The following KDM4C variants were observed in gnomAD, a reference collection of about 807,000 sequenced individuals.
The protein encoded by KDM4C is lysine-specific demethylase 4C.
KDM4C carries 81 observed loss-of-function variants against 129.3 expected under a neutral mutation model. That is an observed-to-expected ratio of 0.63 (90% confidence interval 0.52 to 0.75). KDM4C has a LOEUF of 0.75. KDM4C is among the 30% of genes least tolerant of loss of function. KDM4C has a pLI of 0.00. For synonymous variants in KDM4C, 573 were observed against 456.1 expected (o/e 1.26, Z -3.26); for missense variants, 1,457 against 1,304.0 (o/e 1.12, Z -1.81).
At chr9:7,146,863 G>T (rs1273807942) in intron 19 of KDM4C, among the ~76,000 whole-genome samples, 1 of 152,192 alleles carries the variant, frequency 6.6e-6, no homozygotes, top group African/African-American at 2.4e-5. Context: ...GTAGTTCTGT[G>T]TTCTGTTGTA....
At chr9:7,036,822 T>G (rs746631240) in intron 15 of KDM4C, among the ~76,000 whole-genome samples, 8 of 152,210 alleles carry the variant, frequency 5.3e-5, no homozygotes, top group Non-Finnish European at 1.0e-4. Context: ...TTCACTGTGT[T>G]GCTCAGGGTC....
intron 19 of KDM4C, among the ~76,000 whole-genome samples, chr9:7,160,400 G>A (rs1213654651): frequency 6.6e-6 from 1 of 152,210 alleles, no homozygotes; most frequent in Non-Finnish European, 1.5e-5. Flanking sequence ...ATCCTTTGGA[G>A]AAGAGGTGCT....
At chr9:7,047,012 G>A (rs765782425) in intron 16 of KDM4C, 95 bp downstream of exon 16, 19 of 884,628 alleles carry the variant, frequency 2.1e-5, no homozygotes, top group Admixed American at 1.7e-4. Context: ...CATTGTACAC[G>A]TGGTTTCAAA....
chr9:6,825,965 C>G (rs62568870), intron 4 of KDM4C, among the ~76,000 whole-genome samples: 1 of 151,934 alleles, frequency 6.6e-6, no homozygotes, highest in African/African-American at 2.4e-5. Context: ...TGTGCGCCAC[C>G]ATGCCCAGCT....
intron 2 of KDM4C, among the ~76,000 whole-genome samples, chr9:6,796,411 T>G (rs1827772012): frequency 6.6e-6 from 1 of 152,160 alleles, no homozygotes; most frequent in Admixed American, 6.5e-5. Flanking sequence ...ATCTCTTCTC[T>G]TCTCTGGGCT....
intron 8 of KDM4C, among the ~76,000 whole-genome samples, chr9:6,962,811 A>G (rs1344390361): frequency 6.6e-6 from 1 of 152,186 alleles, no homozygotes; most frequent in African/African-American, 2.4e-5. Context: ...TTAAAATCTC[A>G]TGTAATTACT....
At chr9:6,964,681 C>G (rs1026785123) in intron 8 of KDM4C, among the ~76,000 whole-genome samples, 1 of 149,632 alleles carries the variant, frequency 6.7e-6, no homozygotes, top group Non-Finnish European at 1.5e-5. Flanking sequence ...ACTCGTGAGG[C>G]TGAGGCAGGA....
In KDM4C at chr9:6,986,586, G is replaced by A; in HGVS notation, c.1597G>A (p.Glu533Lys). The change falls in exon 11 of 22, where the codon GAG becomes AAG. Residue 533 changes from glutamate to lysine, a missense_variant. By Grantham distance (56) the Glu-to-Lys change is moderately conservative. Coordinates refer to ENST00000381309, the MANE Select transcript of KDM4C (RefSeq NM_015061.6). Reference protein sequence around the residue: ...VLTEGEESDVESHGNGLEPGE... With the variant: ...VLTEGEESDVKSHGNGLEPGE... ...AACAGAGGGAGAAGAGAGTGATGTGGAGAGCCATGGGAATGGCCTTGAACC... is the reference window on the plus strand; with the variant it reads ...AACAGAGGGAGAAGAGAGTGATGTGAAGAGCCATGGGAATGGCCTTGAACC... The A allele has an allele frequency of 1.9e-6, 3 of 1,614,132 alleles. No individual in the cohort carries two copies. The South Asian group carries it at 3.3e-5, about 18-fold the overall frequency.
intron 14 of KDM4C, 125 bp from the exon 15 acceptor site, chr9:7,015,728 A>G (rs1357855528): frequency 3.8e-5 from 23 of 604,286 alleles, no homozygotes; most frequent in East Asian, 2.2e-4. Flanking sequence ...GTTTTGTTCT[A>G]TACAGTGAGA....
chr9:7,061,856 G>A (rs764854722), intron 17 of KDM4C, among the ~76,000 whole-genome samples: 6 of 152,184 alleles, frequency 3.9e-5, no homozygotes, highest in Non-Finnish European at 7.3e-5. Flanking sequence ...CTAACCTCTT[G>A]TTCAGCGGCT....
At chr9:6,746,370 G>T (rs990426552) in intron 1 of KDM4C, among the ~76,000 whole-genome samples, 1 of 144,866 alleles carries the variant, frequency 6.9e-6, no homozygotes, top group African/African-American at 2.6e-5. Context: ...CCGGGTTCAC[G>T]CCATTCTCCT....
intron 8 of KDM4C, among the ~76,000 whole-genome samples, chr9:6,948,783 G>C (rs1298716833): frequency 1.3e-5 from 2 of 152,128 alleles, no homozygotes; most frequent in Non-Finnish European, 2.9e-5. Flanking sequence ...ACATGTTTCA[G>C]AGAGCACCGG....
rs1554712902 is a variant in KDM4C, at chr9:7,040,400, T to TGTGTGC, written c.2260-6456_2260-6451dup. ...GTGTGTGTGTGTGTGTGTGTGTGTG[T>TGTGTGC]GTGTGCGTGTGTATGTGTCTGTGTG... On this transcript the variant is annotated intron_variant, in intron 15 of 21. Transcript: ENST00000381309. Among the ~76,000 whole-genome samples the TGTGTGC allele has an allele frequency of 7.3e-3, 1,045 of 143,732 alleles. 9 individuals carry two copies. Among genetic ancestry groups the TGTGTGC allele is most frequent in the African/African-American group, 0.022 (841 of 38,042 alleles). The allele number at this position is 143,732 out of a possible 152,430, so 94.3% of individuals were successfully genotyped here. A position where few individuals can be genotyped will look rare whatever the true frequency, so the allele number is the denominator to read the frequency against.
chr9:6,796,207 G>A (rs556743539), intron 2 of KDM4C, among the ~76,000 whole-genome samples: 47 of 152,288 alleles, frequency 3.1e-4, no homozygotes, highest in African/African-American at 1.1e-3. Flanking sequence ...CACTCTGGGA[G>A]GCCGAGGTGG....
At chr9:6,986,846 C>T (rs1586723626) in intron 11 of KDM4C, 180 bp downstream of exon 11, 1 of 521,324 alleles carries the variant, frequency 1.9e-6, no homozygotes, top group East Asian at 2.9e-5. Flanking sequence ...CTGTGGCTCA[C>T]ATAGTGATAA....
chr9:6,796,837 C>G (rs544339657), intron 2 of KDM4C, among the ~76,000 whole-genome samples: 8 of 152,246 alleles, frequency 5.3e-5, no homozygotes, highest in African/African-American at 1.4e-4. Context: ...CTTACTTTCC[C>G]TCTTGTTCTG....
At chr9:6,863,352 T>G (rs1198146049) in intron 5 of KDM4C, among the ~76,000 whole-genome samples, 1 of 152,070 alleles carries the variant, frequency 6.6e-6, no homozygotes, top group Non-Finnish European at 1.5e-5. Flanking sequence ...TGAGGCAGGG[T>G]AATTTATAAA....
chr9:6,810,705 C>G lies in KDM4C; in HGVS notation c.321-3926C>G, dbSNP rs1037474440. Among the ~76,000 whole-genome samples the G allele has an allele frequency of 2.0e-5, 3 of 151,852 alleles. No homozygotes were observed. In the South Asian group the frequency reaches 6.2e-4, roughly 32 times the overall value. ...TGGTCAACAAAGTGAGACCCTGTCT[C>G]TACAAAAAATAAAAAATTAGCCATG... is the stretch of plus-strand genomic sequence containing the variant. On this transcript the variant is annotated intron_variant, in intron 3 of 21. Transcript: ENST00000381309.
chr9:6,906,154 A>G (rs559959727), intron 8 of KDM4C, among the ~76,000 whole-genome samples: 2 of 152,324 alleles, frequency 1.3e-5, no homozygotes, highest in East Asian at 1.9e-4. Flanking sequence ...GTAGATTAAC[A>G]TGATGCTGTG....
Sources: allele counts gnomAD v4.1 joint callset (sites outside exome capture counted in the v4.1 genomes callset), GRCh38; gene constraint gnomAD v4.1.1; transcripts MANE v1.5; gene names NCBI Gene and HGNC (gene_info 2026-07-23, HGNC 2026-07-21).